LIPM: variants seen among roughly 807,000 people sequenced by gnomAD.
LIPM encodes the protein lipase member M.
A neutral mutation model predicts 42.4 loss-of-function variants in LIPM; 42 were observed. The ratio of observed to expected loss-of-function variants is 0.99; its 90% confidence interval spans 0.77 to 1.28. The LOEUF (loss-of-function observed/expected upper bound fraction) is 1.28, where lower values mean the gene tolerates loss of function less well. Among genes scored for constraint, LIPM ranks in the 50% most tolerant of loss-of-function variants. The pLI is 0.00. For missense variants in LIPM, 524 were observed against 520.1 expected, an observed-to-expected ratio of 1.01 and a Z score of -0.07; for synonymous variants, 177 against 173.3, an observed-to-expected ratio of 1.02 and a Z score of -0.17.
chr10:88,805,126 G>C (rs1843570588), intron 1 of LIPM, among the ~76,000 whole-genome samples: 1 of 152,196 alleles, frequency 6.6e-6, no homozygotes, highest in Non-Finnish European at 1.5e-5. Context: ...CTAGGTCCAT[G>C]ATATTGTGTT....
In LIPM at chr10:88,814,603, A is replaced by T. The variant is rs1345677335; in HGVS notation, c.538A>T (p.Ile180Phe). 2 of 1,551,996 alleles carry T rather than the reference A, an allele frequency of 1.3e-6. No homozygotes were observed. Among genetic ancestry groups the T allele is most frequent in the East Asian group, 2.4e-5 (1 of 40,920 alleles). ...TTTGCAGAAAACGGGCCAGGAAAAG[A>T]TCTATTATGTCGGCTATTCACAGGG... The part of the protein sequence containing the change: ...FILQKTGQEK[I>F]YYVGYSQGTT... The change falls in exon 4 of 9, where the codon ATC becomes TTC. Residue 180 changes from isoleucine to phenylalanine, a missense_variant. By Grantham distance (21) the Ile-to-Phe change is conservative (BLOSUM62 0). Transcript: ENST00000404743.
chr10:88,817,200 T>C (rs555084419), intron 7 of LIPM, among the ~76,000 whole-genome samples: 66 of 152,348 alleles, frequency 4.3e-4, no homozygotes, highest in African/African-American at 1.5e-3. Flanking sequence ...TGTTTCTACA[T>C]CTTCTCTTCA....
chr10:88,810,735 T>C (rs1843644696), intron 2 of LIPM, among the ~76,000 whole-genome samples: 2 of 152,092 alleles, frequency 1.3e-5, no homozygotes, highest in African/African-American at 4.8e-5. Flanking sequence ...TGGGTGTAAA[T>C]TAAATAGAAG....
intron 1 of LIPM, 112 bp from the exon 2 acceptor site, chr10:88,808,186 G>A (rs1185977395): frequency 1.4e-5 from 9 of 632,954 alleles, no homozygotes; most frequent in Non-Finnish European, 2.3e-5. Flanking sequence ...CTAGGGAAAA[G>A]CAAGGACTTT....
intron 8 of LIPM, among the ~76,000 whole-genome samples, chr10:88,819,250 C>T (rs994017612): frequency 6.6e-6 from 1 of 152,010 alleles, no homozygotes; most frequent in Admixed American, 6.6e-5. Flanking sequence ...TTGATTCATG[C>T]AGAATAGGCA....
At chr10:88,806,114 A>G (rs1402530155) in intron 1 of LIPM, 3 of 411,378 alleles carry the variant, frequency 7.3e-6, no homozygotes, top group South Asian at 1.8e-5. Context: ...TGTTGACAGC[A>G]CTTCCAGTGG....
intron 1 of LIPM, among the ~76,000 whole-genome samples, chr10:88,807,425 C>T (rs1453574211): frequency 6.6e-6 from 1 of 151,996 alleles, no homozygotes; most frequent in Non-Finnish European, 1.5e-5. Flanking sequence ...TTAAAGCAGC[C>T]CCTGATGCAA....
At position 88,814,623 on chromosome 10, in the gene LIPM, A is replaced by T; in HGVS notation, c.558A>T (p.Ser186=). 6.4e-7 allele frequency: 1 copy of T among 1,551,826 alleles called. No homozygotes were observed. Among genetic ancestry groups the T allele is most frequent in the South Asian group, 1.2e-5 (1 of 84,050 alleles). The change falls in exon 4 of 9, where the codon TCA becomes TCT. Residue 186 remains serine (S), a synonymous_variant. Transcript: ENST00000404743. ...GQEKIYYVGY[S]QGTTMGFIAF... is the part of the protein sequence containing the mutation. ...AAAAGATCTATTATGTCGGCTATTC[A>T]CAGGGCACCACCATGGGTAGGTTCA...
chr10:88,804,489 T>G (rs944277507), intron 1 of LIPM, among the ~76,000 whole-genome samples: 1 of 152,184 alleles, frequency 6.6e-6, no homozygotes, highest in East Asian at 1.9e-4. Context: ...AAGTTTGAAC[T>G]GGTTCTGAGG....
chr10:88,814,654 A>G lies in LIPM; in HGVS notation c.574+15A>G. On this transcript the variant is annotated intron_variant, in intron 4 of 8. Coordinates refer to ENST00000404743, the MANE Select transcript of LIPM (RefSeq NM_001128215.1). ...CACCACCATGGGTAGGTTCAAAGAA[A>G]AGCAGGTTTGTATACTCGGAAGAAA... is the stretch of plus-strand genomic sequence containing the variant. The G allele has an allele frequency of 6.5e-7, 1 of 1,540,006 alleles. No individual in the cohort carries two copies. The highest frequency in any genetic ancestry group is 1.4e-5 in the African/African-American group (1 of 72,836).
At position 88,808,280 on chromosome 10, in the gene LIPM, A is replaced by G. The variant is rs1234762069; in HGVS notation, c.148-18A>G. On this transcript the variant is annotated intron_variant, in intron 1 of 8. Coordinates refer to ENST00000404743, the MANE Select transcript of LIPM (RefSeq NM_001128215.1). ...CCACAGAGAACTGAACCTAAAAGAA[A>G]TTGTGCTTTTTCCATAGAGTGAAAT... is the stretch of plus-strand genomic sequence containing the variant. The G allele has an allele frequency of 1.4e-6, 2 of 1,416,198 alleles. No homozygotes were observed. Among genetic ancestry groups the G allele is most frequent in the East Asian group, 5.0e-5 (2 of 40,250 alleles). 87.7% of individuals were successfully genotyped at this position (1,416,198 alleles called of 1,614,324 possible).
At chr10:88,819,312 T>C (rs1240916051) in intron 8 of LIPM, among the ~76,000 whole-genome samples, 1 of 152,070 alleles carries the variant, frequency 6.6e-6, no homozygotes, top group Non-Finnish European at 1.5e-5. Flanking sequence ...AAAAAAATCA[T>C]AGAATCACAG....
At chr10:88,819,028 C>T (rs777694735) in intron 8 of LIPM, among the ~76,000 whole-genome samples, 4 of 151,818 alleles carry the variant, frequency 2.6e-5, no homozygotes, top group Non-Finnish European at 5.9e-5. Context: ...GCTGGGACTA[C>T]AGGTGCACGC....
In LIPM at chr10:88,815,486, AC is replaced by A; in HGVS notation, c.843del (p.Asn282ThrfsTer3). On this transcript the variant is annotated frameshift_variant, in exon 6 of 9. Coordinates refer to ENST00000404743, the MANE Select transcript of LIPM (RefSeq NM_001128215.1). LOFTEE classifies it high-confidence loss of function. The part of the protein sequence containing the change: ...NIMLLLGGFN[T>X]NNMNMSRASV... ...CATGTTACTTCTGGGTGGATTCAACACCAACAATATGAACATGGTAAGTGGG... is the reference window on the plus strand; with the variant it reads ...CATGTTACTTCTGGGTGGATTCAACACAACAATATGAACATGGTAAGTGGG... 1 of 1,551,456 alleles carries A rather than the reference AC, an allele frequency of 6.4e-7. No individual in the cohort carries two copies. Among genetic ancestry groups the A allele is most frequent in the Non-Finnish European group, 8.7e-7 (1 of 1,146,872 alleles).
chr10:88,808,893 C>T lies in LIPM; in HGVS notation c.265+478C>T, dbSNP rs170005. Among the ~76,000 whole-genome samples the T allele has an allele frequency of 1.1e-4, 17 of 148,362 alleles. 1 individual carries two copies. Among genetic ancestry groups the T allele is most frequent in the South Asian group, 1.1e-3 (5 of 4,426 alleles). ...CTTTTTACTAAGGGCTTTTGAAAAA[C>T]GAAAGTTCTATACATACATTTTATT... On this transcript the variant is annotated intron_variant, in intron 2 of 8. Transcript: ENST00000404743.
In LIPM at chr10:88,802,918, C is replaced by T; in HGVS notation, c.22C>T (p.Gln8Ter). 2 of 1,549,214 alleles carry T rather than the reference C, an allele frequency of 1.3e-6. No homozygotes were observed. The highest frequency in any genetic ancestry group is 1.7e-6 in the Non-Finnish European group (2 of 1,146,122). The change falls in exon 1 of 9, where the codon CAG becomes TAG. Residue 8 changes from glutamine to a stop codon, truncating the protein, a stop_gained. Transcript: ENST00000404743. LOFTEE classifies it high-confidence loss of function. ...GACCATGTTGGAAACCTTGTCAAGA[C>T]AGTGGATTGTCTCACACAGAATGGA... MLETLSR[Q>*]WIVSHRMEMW...
chr10:88,815,458 T>C lies in LIPM; in HGVS notation c.813T>C (p.Asn271=). ...GQVILDQICS[N]IMLLLGGFNT... ...TGATTCTTGATCAGATTTGTAGTAA[T>C]ATCATGTTACTTCTGGGTGGATTCA... The change falls in exon 6 of 9, where the codon AAT becomes AAC. Residue 271 remains asparagine, a synonymous_variant. Transcript: ENST00000404743. 1.3e-6 allele frequency: 2 copies of C among 1,551,420 alleles called. No homozygotes were observed. The highest frequency in any genetic ancestry group is 1.7e-6 in the Non-Finnish European group (2 of 1,146,744).
chr10:88,811,723 A>C (rs567055116), intron 2 of LIPM, among the ~76,000 whole-genome samples: 4 of 151,954 alleles, frequency 2.6e-5, no homozygotes, highest in African/African-American at 4.8e-5. Context: ...GTTTTACCCC[A>C]TTTATTTTAT....
At chr10:88,816,740 T>G in intron 6 of LIPM, 76 bp from the exon 7 acceptor site, 3 of 912,156 alleles carry the variant, frequency 3.3e-6, no homozygotes, top group Non-Finnish European at 5.3e-6. Context: ...TCTGACACCC[T>G]GGAGATTTGG....
Sources: gnomAD v4.1 joint callset for allele counts (sites outside exome capture counted in the v4.1 genomes callset) on GRCh38, gnomAD v4.1.1 for gene constraint, MANE v1.5 for transcripts, NCBI Gene and HGNC (gene_info 2026-07-23, HGNC 2026-07-21) for gene names.